GNPAT: variants seen among roughly 807,000 people sequenced by gnomAD.
GNPAT encodes the protein dihydroxyacetone phosphate acyltransferase.
GNPAT carries 30 observed loss-of-function variants against 78.4 expected under a neutral mutation model. The observed-to-expected ratio is 0.38, with a 90% confidence interval of 0.29 to 0.52. The LOEUF (loss-of-function observed/expected upper bound fraction) is 0.52, where lower values mean the gene tolerates loss of function less well. Among genes scored for constraint, GNPAT ranks in the 20% least tolerant of loss-of-function variants. The probability of loss-of-function intolerance (pLI) is 0.84; values close to 1 mark genes in which losing one functional copy is unlikely to be tolerated. For synonymous variants in GNPAT, 271 were observed against 281.1 expected, an observed-to-expected ratio of 0.96 and a Z score of 0.36; for missense variants, 714 against 812.2, an observed-to-expected ratio of 0.88 and a Z score of 1.47.
intron 4 of GNPAT, among the ~76,000 whole-genome samples, chr1:231,263,992 C>A (rs1043026411): frequency 6.6e-6 from 1 of 152,138 alleles, no homozygotes; most frequent in South Asian, 2.1e-4. Flanking sequence ...ATATTCACCC[C>A]TTATCAGACA....
rs1244633100 is a variant in GNPAT at position 231,273,968 on chromosome 1, A to G, written c.1649A>G (p.Gln550Arg). The G allele has an allele frequency of 2.5e-6, 4 of 1,611,782 alleles. No homozygotes were observed. Among genetic ancestry groups the G allele is most frequent in the Non-Finnish European group, 8.5e-7 (1 of 1,177,926 alleles). ...CTGCTTTGTAAAAGTGAAGCCATAC[A>G]AGTGACTACGAAAGACATCCTAGTT... ...CYLLCKSEAI[Q>R]VTTKDILVTE... is the part of the protein sequence containing the mutation. The change falls in exon 12 of 16, where the codon CAA becomes CGA. Residue 550 changes from glutamine to arginine, a missense_variant. Coordinates refer to ENST00000366647, the MANE Select transcript of GNPAT (RefSeq NM_014236.4).
In GNPAT at chr1:231,251,152, T is replaced by C. The variant is rs752129664; in HGVS notation, c.261+9T>C. 1.3e-6 allele frequency: 2 copies of C among 1,519,602 alleles called. 1 individual carries two copies. The highest frequency in any genetic ancestry group is 2.4e-5 in the South Asian group (2 of 82,544). 94.1% of individuals were successfully genotyped at this position (1,519,602 alleles called of 1,614,324 possible). On this transcript the variant is annotated intron_variant, in intron 2 of 15. Coordinates refer to ENST00000366647, the MANE Select transcript of GNPAT (RefSeq NM_014236.4). The stretch of plus-strand genomic sequence containing the variant: ...ATTATGTCATTAAACAGGTAAGTGA[T>C]TCCCTCTTCAACCATGGCCAGATTT...
At position 231,266,369 on chromosome 1, in the gene GNPAT, T is replaced by C. The variant is rs1685388794; in HGVS notation, c.1017T>C (p.Ala339=). The part of the protein sequence containing the change: ...GDPVSLRSLA[A]GRMSRSSYNL... ...CTGTGTCACTTCGATCTTTGGCAGC[T>C]GGGAGGATGAGTCGGAGCTCATATA... is the stretch of plus-strand genomic sequence containing the variant. The change falls in exon 8 of 16, where the codon GCT becomes GCC. Residue 339 remains alanine (A), a synonymous_variant. Transcript: ENST00000366647. 6.2e-7 allele frequency: 1 copy of C among 1,614,048 alleles called. No individual in the cohort carries two copies. Among genetic ancestry groups the C allele is most frequent in the Non-Finnish European group, 8.5e-7 (1 of 1,179,886 alleles).
intron 10 of GNPAT, among the ~76,000 whole-genome samples, chr1:231,271,512 G>A (rs1221537478): frequency 6.6e-6 from 1 of 152,198 alleles, no homozygotes; most frequent in Non-Finnish European, 1.5e-5. Context: ...GAATTACTAG[G>A]GGAGTGAGCC....
intron 15 of GNPAT, 105 bp downstream of exon 15, chr1:231,276,301 G>A (rs1390508488): frequency 3.5e-5 from 24 of 693,162 alleles, no homozygotes; most frequent in Non-Finnish European, 8.0e-6. Context: ...TCAGTAAGTA[G>A]TAGAGTTCTA....
chr1:231,254,419 T>G (rs887085841), intron 2 of GNPAT, among the ~76,000 whole-genome samples: 2 of 152,078 alleles, frequency 1.3e-5, no homozygotes, highest in African/African-American at 4.8e-5. Flanking sequence ...CAGCAGATGG[T>G]TTTTCTTCCA....
Position 231,274,029 on chromosome 1 carries a change from A to G in GNPAT, c.1710A>G (p.Val570=), listed in dbSNP as rs746776865. The change falls in exon 12 of 16, where the codon GTA becomes GTG. Residue 570 remains valine, a synonymous_variant. Transcript: ENST00000366647. ...EKGNTVLEFL[V]GLFKPFVESY... ...GAAATACTGTGTTAGAATTTTTAGT[A>G]GGACTCTTTAAACCTTTTGTGGAAA... The G allele has an allele frequency of 6.2e-7, 1 of 1,613,476 alleles. No individual in the cohort carries two copies. The highest frequency in any genetic ancestry group is 8.5e-7 in the Non-Finnish European group (1 of 1,179,356).
At chr1:231,246,146 C>G (rs1419221222) in intron 1 of GNPAT, among the ~76,000 whole-genome samples, 1 of 152,100 alleles carries the variant, frequency 6.6e-6, no homozygotes, top group Non-Finnish European at 1.5e-5. Flanking sequence ...TAACTGTGTG[C>G]TACTGCTCAT....
At chr1:231,263,412 C>T (rs1483845538) in intron 4 of GNPAT, among the ~76,000 whole-genome samples, 3 of 152,120 alleles carry the variant, frequency 2.0e-5, no homozygotes, top group Admixed American at 6.6e-5. Flanking sequence ...CTTTCTGTCT[C>T]TGTGAACTAC....
chr1:231,262,169 A>G (rs1255454419), intron 3 of GNPAT, among the ~76,000 whole-genome samples: 3 of 152,254 alleles, frequency 2.0e-5, no homozygotes, highest in Non-Finnish European at 2.9e-5. Context: ...AGTCCAGCAC[A>G]TAGAGAAATA....
At chr1:231,254,775 CAG>C (rs1021948604) in intron 2 of GNPAT, among the ~76,000 whole-genome samples, 7 of 149,114 alleles carry the variant, frequency 4.7e-5, no homozygotes, top group African/African-American at 9.9e-5. Context: ...TTTTTTGCGA[CAG>C]AGTCTCCCTC....
intron 1 of GNPAT, among the ~76,000 whole-genome samples, chr1:231,248,044 A>G (rs1047251674): frequency 6.6e-6 from 1 of 152,086 alleles, no homozygotes; most frequent in Non-Finnish European, 1.5e-5. Flanking sequence ...GCTCCCATAC[A>G]TGTCTGTGTT....
rs116580451 is a variant in GNPAT, at chr1:231,255,284, A to G, written c.261+4141A>G. Among the ~76,000 whole-genome samples, 1,499 of 152,008 alleles carry G rather than the reference A, an allele frequency of 9.9e-3. 31 individuals are homozygous for G. Among genetic ancestry groups the G allele is most frequent in the African/African-American group, 0.034 (1,405 of 41,458 alleles). ...TTCTTATTTCTTCAACTACTTCTTT[A>G]TTAGCTCTTCTCCCATCAGCATTTA... On this transcript the variant is annotated intron_variant, in intron 2 of 15. Coordinates refer to ENST00000366647, the MANE Select transcript of GNPAT (RefSeq NM_014236.4).
At chr1:231,256,058 T>C (rs948945859) in intron 2 of GNPAT, among the ~76,000 whole-genome samples, 1 of 152,342 alleles carries the variant, frequency 6.6e-6, no homozygotes, top group Middle Eastern at 3.4e-3. Flanking sequence ...TCTGGTTTTA[T>C]TCTACCCAGT....
intron 11 of GNPAT, 149 bp downstream of exon 11, chr1:231,272,540 A>G (rs1685598100): frequency 1.1e-5 from 7 of 652,520 alleles, no homozygotes; most frequent in Non-Finnish European, 2.0e-5. Flanking sequence ...GGGCGCTCAC[A>G]GTTCAGCAGA....
chr1:231,241,933 T>C (rs1684623579), intron 1 of GNPAT, among the ~76,000 whole-genome samples: 1 of 152,268 alleles, frequency 6.6e-6, no homozygotes, highest in Non-Finnish European at 1.5e-5. Context: ...GGAATAGAGT[T>C]TTAAACACTT....
At chr1:231,248,691 A>G (rs1359699967) in intron 1 of GNPAT, among the ~76,000 whole-genome samples, 2 of 152,230 alleles carry the variant, frequency 1.3e-5, no homozygotes, top group Non-Finnish European at 2.9e-5. Context: ...ACAGAGTCAC[A>G]TGATGCATAA....
chr1:231,252,807 G>T (rs185443669), intron 2 of GNPAT, among the ~76,000 whole-genome samples: 1 of 152,016 alleles, frequency 6.6e-6, no homozygotes, highest in East Asian at 1.9e-4. Context: ...CAGAATTGCA[G>T]TATTCTTGCT....
At chr1:231,271,599 T>C (rs183012083) in intron 10 of GNPAT, among the ~76,000 whole-genome samples, 13 of 152,294 alleles carry the variant, frequency 8.5e-5, no homozygotes, top group Middle Eastern at 3.4e-3. Flanking sequence ...GTTTTGGCTT[T>C]TCAAAGCTCC....
Sources: allele counts gnomAD v4.1 joint callset (sites outside exome capture counted in the v4.1 genomes callset), GRCh38; gene constraint gnomAD v4.1.1; transcripts MANE v1.5; gene names NCBI Gene and HGNC (gene_info 2026-07-23, HGNC 2026-07-21).